Variants in RGS7BP observed in about 807,000 individuals in gnomAD.
RGS7BP encodes regulator of G protein signaling 7 binding protein.
RGS7BP carries 9 observed loss-of-function variants against 31.3 expected under a neutral mutation model. That is an observed-to-expected ratio of 0.29 (90% CI 0.17 to 0.50). RGS7BP has a LOEUF of 0.50. Ranked by LOEUF, RGS7BP falls within the 20% of genes least tolerant of loss-of-function variation. The pLI is 0.98. For missense variants in RGS7BP, 274 were observed against 322.0 expected, an observed-to-expected ratio of 0.85 and a Z score of 1.14; for synonymous variants, 115 against 120.1, an observed-to-expected ratio of 0.96 and a Z score of 0.28.
chr5:64,558,252 G>C (rs1009866674), intron 2 of RGS7BP, among the ~76,000 whole-genome samples: 1 of 152,160 alleles, frequency 6.6e-6, no homozygotes, highest in Admixed American at 6.6e-5. Flanking sequence ...AATGTGGTTT[G>C]TTGCAGGAAG....
intron 3 of RGS7BP, among the ~76,000 whole-genome samples, chr5:64,585,401 T>G (rs937954106): frequency 3.3e-5 from 5 of 151,762 alleles, no homozygotes; most frequent in African/African-American, 1.2e-4. Flanking sequence ...CCATTGTCAC[T>G]GGCAAGCTGA....
At chr5:64,608,185 G>A (rs1405402540) in intron 5 of RGS7BP, among the ~76,000 whole-genome samples, 1 of 151,970 alleles carries the variant, frequency 6.6e-6, no homozygotes, top group Non-Finnish European at 1.5e-5. Context: ...TCATAACACT[G>A]CCCCAGTTGG....
At chr5:64,517,229 A>T (rs754032652) in intron 2 of RGS7BP, among the ~76,000 whole-genome samples, 3 of 152,220 alleles carry the variant, frequency 2.0e-5, no homozygotes, top group Non-Finnish European at 4.4e-5. Flanking sequence ...CACCATGTCC[A>T]GATGGATCAG....
intron 2 of RGS7BP, among the ~76,000 whole-genome samples, chr5:64,531,968 T>C (rs985620687): frequency 2.0e-5 from 3 of 152,252 alleles, no homozygotes; most frequent in African/African-American, 7.2e-5. Flanking sequence ...TGCTAGTTTT[T>C]TTTTCCCCCT....
At chr5:64,569,300 A>AC (rs965050460) in intron 2 of RGS7BP, among the ~76,000 whole-genome samples, 2 of 151,738 alleles carry the variant, frequency 1.3e-5, no homozygotes, top group African/African-American at 4.9e-5. Context: ...ACAAAAAAAA[A>AC]CAACAACACA....
chr5:64,506,477 A>AAT lies in RGS7BP; in HGVS notation c.-148_-147insAT. On this transcript the variant is annotated 5_prime_UTR_variant, in exon 1 of 6. The change creates a premature stop within an existing upstream ORF in the 5' untranslated region. Coordinates refer to ENST00000334025, the MANE Select transcript of RGS7BP (RefSeq NM_001029875.3). This position sits in a 1 kb window ranked among gnomAD's most constrained non-coding sequence, Gnocchi z 4.6. ...CCGGCTCTCCTTCAAGCTGAAGGTT[A>AAT]CCGACCCGCGCAGCCAGCCCCAGCA... The AAT allele has an allele frequency of 1.8e-6, 1 of 554,222 alleles. No individual in the cohort carries two copies. The highest frequency in any genetic ancestry group is 3.2e-5 in the South Asian group (1 of 31,224). 34.3% of individuals were successfully genotyped at this position (554,222 alleles called of 1,614,324 possible).
rs1228808142 is a variant in RGS7BP at position 64,556,105 on chromosome 5, A to G, written c.333-19669A>G. ...TAAATTGTTCCTCAATGATTATATC[A>G]ATTTACTCTTCCATCAATCGGTACA... is the stretch of plus-strand genomic sequence containing the variant. On this transcript the variant is annotated intron_variant, in intron 2 of 5. Coordinates refer to ENST00000334025, the MANE Select transcript of RGS7BP (RefSeq NM_001029875.3). 4.6e-5 allele frequency among the ~76,000 whole-genome samples: 7 copies of G among 152,042 alleles called. No individual in the cohort carries two copies. The East Asian group carries it at 1.2e-3, about 25-fold the overall frequency.
At chr5:64,598,558 G>T in intron 5 of RGS7BP, 123 bp downstream of exon 5, 1 of 715,240 alleles carries the variant, frequency 1.4e-6, no homozygotes, top group African/African-American at 1.8e-5. Flanking sequence ...GCATTCATTA[G>T]TCTTTCCTCA....
At chr5:64,608,924 G>T (rs985227923) in intron 5 of RGS7BP, among the ~76,000 whole-genome samples, 154 of 152,106 alleles carry the variant, frequency 1.0e-3, no homozygotes, top group African/African-American at 3.4e-3. Context: ...GGATATACTT[G>T]GTTGCCACAA....
chr5:64,544,395 C>T (rs1222705098), intron 2 of RGS7BP, among the ~76,000 whole-genome samples: 1 of 151,958 alleles, frequency 6.6e-6, no homozygotes, highest in Admixed American at 6.6e-5. Context: ...GTATAGGAGG[C>T]CAGGCATTGT....
intron 2 of RGS7BP, among the ~76,000 whole-genome samples, chr5:64,542,236 G>A (rs1461675283): frequency 6.6e-5 from 10 of 152,180 alleles, no homozygotes; most frequent in Non-Finnish European, 1.3e-4. Context: ...GAACCAACAT[G>A]GAAGAGTTAC....
chr5:64,560,301 G>A (rs1371899216), intron 2 of RGS7BP, among the ~76,000 whole-genome samples: 1 of 151,904 alleles, frequency 6.6e-6, no homozygotes, highest in Non-Finnish European at 1.5e-5. Context: ...AAATGATCAG[G>A]CCCCACCCCT....
rs957609563 is a variant in RGS7BP, at chr5:64,567,265, C to T, written c.333-8509C>T. On this transcript the variant is annotated intron_variant, in intron 2 of 5. Transcript: ENST00000334025. ...TGGGCAATCACTTTAGATAAACAGC[C>T]TCTCACATGGAAGAGGAGTCCGTTT... Among the ~76,000 whole-genome samples the T allele has an allele frequency of 7.2e-5, 11 of 152,154 alleles. No individual in the cohort carries two copies. In the South Asian group the frequency reaches 2.3e-3, roughly 32 times the overall value.
intron 2 of RGS7BP, among the ~76,000 whole-genome samples, chr5:64,540,596 C>T (rs73111039): frequency 0.014 from 2,150 of 152,196 alleles, 49 homozygotes; most frequent in African/African-American, 0.049. Flanking sequence ...AAATACAAGT[C>T]AGAGAGTATT....
chr5:64,514,515 G>A lies in RGS7BP; in HGVS notation c.332+6638G>A, dbSNP rs73763604. On this transcript the variant is annotated intron_variant, in intron 2 of 5. Coordinates refer to ENST00000334025, the MANE Select transcript of RGS7BP (RefSeq NM_001029875.3). ...CCAATGTTTAATCATCTGCAAGATC[G>A]TAACTCATGTAAGGGTAGAGTTTGT... 9.8e-3 allele frequency among the ~76,000 whole-genome samples: 1,490 copies of A among 152,276 alleles called. 24 individuals carry two copies. Among genetic ancestry groups the A allele is most frequent in the African/African-American group, 0.034 (1,418 of 41,548 alleles).
At position 64,506,714 on chromosome 5, in the gene RGS7BP, C is replaced by A; in HGVS notation, c.90C>A (p.Ser30Arg). 1.2e-6 allele frequency: 2 copies of A among 1,612,916 alleles called. No homozygotes were observed. Among genetic ancestry groups the A allele is most frequent in the South Asian group, 1.1e-5 (1 of 91,050 alleles). Residue 30 changes from serine (S) to arginine (R), a missense_variant, in exon 1 of 6, where the codon AGC (serine) becomes AGA (arginine). Ser to Arg is a moderately radical substitution (Grantham distance 110). This residue lies in a region of RGS7BP where 149 missense variants were observed against 152.6 expected (regional missense o/e 0.98). Coordinates refer to ENST00000334025, the MANE Select transcript of RGS7BP (RefSeq NM_001029875.3). This position sits in a 1 kb window ranked among gnomAD's most constrained non-coding sequence, Gnocchi z 4.6. ...AGATCAGCAAGCCCCCGCTGCAGAG[C>A]GGAGATTGGGAGCGCAGGGGCAGCG... ...IFQISKPPLQ[S>R]GDWERRGSGS...
chr5:64,552,817 C>A (rs1395549127), intron 2 of RGS7BP, among the ~76,000 whole-genome samples: 1 of 152,042 alleles, frequency 6.6e-6, no homozygotes, highest in Admixed American at 6.6e-5. Flanking sequence ...GCTCAAGTAA[C>A]CCTCCTGCCT....
intron 2 of RGS7BP, among the ~76,000 whole-genome samples, chr5:64,513,372 G>T (rs1748889732): frequency 6.6e-6 from 1 of 151,784 alleles, no homozygotes; most frequent in Non-Finnish European, 1.5e-5. Flanking sequence ...GCCTTTTTCT[G>T]GGGGGGTTGG....
chr5:64,582,930 A>G (rs1458658798), intron 3 of RGS7BP, among the ~76,000 whole-genome samples: 1 of 152,254 alleles, frequency 6.6e-6, no homozygotes, highest in Non-Finnish European at 1.5e-5. Context: ...GAATGAGGCA[A>G]TTGATACTAA....
Sources: allele counts gnomAD v4.1 joint callset (sites outside exome capture counted in the v4.1 genomes callset), GRCh38; gene constraint gnomAD v4.1.1; regional missense constraint gnomAD v4.1.1; non-coding constraint Gnocchi (gnomAD v3.1); transcripts MANE v1.5; gene names NCBI Gene and HGNC (gene_info 2026-07-23, HGNC 2026-07-21).